The following DPYSL3 variants were observed in gnomAD, a reference collection of about 807,000 sequenced individuals.
DPYSL3 encodes the protein dihydropyrimidinase-related protein 3.
DPYSL3 carries 16 observed loss-of-function variants against 66.1 expected under a neutral mutation model. That is an observed-to-expected ratio of 0.24 (90% confidence interval 0.16 to 0.37). The LOEUF is 0.37. Among genes scored for constraint, DPYSL3 ranks in the 10% least tolerant of loss-of-function variants. The pLI, the probability that DPYSL3 is intolerant of heterozygous loss-of-function variation, is 1.00. For missense variants in DPYSL3, 738 were observed against 916.2 expected, an observed-to-expected ratio of 0.81 and a Z score of 2.51; for synonymous variants, 338 against 345.1, an observed-to-expected ratio of 0.98 and a Z score of 0.23.
rs185191627 is a variant in DPYSL3, at chr5:147,391,836, T to G, written c.*2199A>C. ...GGTTGTTCCCAGAGCAAGGAAATCT[T>G]GTGCAGAATCAAAGGTTCTGGTGGA... On this transcript the variant is annotated 3_prime_UTR_variant, in exon 14 of 14. Transcript: ENST00000343218. The G allele has an allele frequency of 6.6e-6, 1 of 152,152 alleles. No homozygotes were observed. Among genetic ancestry groups the G allele is most frequent in the African/African-American group, 2.4e-5 (1 of 41,418 alleles). The allele number at this position is 152,152 out of a possible 1,614,324, so 9.4% of individuals were successfully genotyped here.
At chr5:147,500,989 A>G (rs1581220672) in intron 1 of DPYSL3, among the ~76,000 whole-genome samples, 1 of 152,188 alleles carries the variant, frequency 6.6e-6, no homozygotes, top group Non-Finnish European at 1.5e-5. Context: ...TGAACTGAAG[A>G]CTTATGTTCA....
intron 1 of DPYSL3, among the ~76,000 whole-genome samples, chr5:147,470,350 CT>C (rs1450815742): frequency 6.6e-6 from 1 of 152,064 alleles, no homozygotes; most frequent in Admixed American, 6.6e-5. Context: ...TTCTCTTTAC[CT>C]TTTCCGGTGC....
intron 1 of DPYSL3, among the ~76,000 whole-genome samples, chr5:147,470,712 C>T (rs779362094): frequency 6.6e-6 from 1 of 152,188 alleles, no homozygotes; most frequent in South Asian, 2.1e-4. Context: ...TCCTTTCTCA[C>T]ATCCTGCTGT....
chr5:147,425,199 T>C (rs372506886), intron 1 of DPYSL3, among the ~76,000 whole-genome samples: 15 of 152,374 alleles, frequency 9.8e-5, no homozygotes, highest in African/African-American at 3.6e-4. Context: ...TTCTGCAATG[T>C]ATTAATATTA....
At chr5:147,418,038 C>T (rs564055068) in intron 3 of DPYSL3, among the ~76,000 whole-genome samples, 1 of 152,356 alleles carries the variant, frequency 6.6e-6, no homozygotes, top group Admixed American at 6.5e-5. Context: ...CTCCGTGATA[C>T]TCCTTAGCTC....
chr5:147,488,103 T>C (rs1753362760), intron 1 of DPYSL3, among the ~76,000 whole-genome samples: 1 of 152,228 alleles, frequency 6.6e-6, no homozygotes, highest in Non-Finnish European at 1.5e-5. Context: ...TCTATCTAAG[T>C]GGCAGGATGT....
At chr5:147,427,221 C>CT (rs2126336244) in intron 1 of DPYSL3, among the ~76,000 whole-genome samples, 1 of 152,346 alleles carries the variant, frequency 6.6e-6, no homozygotes, top group South Asian at 2.1e-4. Context: ...ATTTCACCTG[C>CT]TCCCACTGCA....
At position 147,400,692 on chromosome 5, in the gene DPYSL3, C is replaced by A. The variant is rs1200136595; in HGVS notation, c.1452G>T (p.Val484=). Residue 484 remains valine, a splice_region_variant and synonymous_variant, in exon 10 of 14, where the codon GTG becomes GTT. Coordinates refer to ENST00000343218, the MANE Select transcript of DPYSL3 (RefSeq NM_001197294.2). ...CCCTCCCATGACCTCCATGCCTTAC[C>A]ACAGCCTTGTCCCAGATGACAGACA... ...ERMSVIWDKA[V]ATGKMDENQF... is the part of the protein sequence containing the mutation. The A allele has an allele frequency of 6.2e-7, 1 of 1,613,800 alleles. No individual in the cohort carries two copies. The highest frequency in any genetic ancestry group is 8.5e-7 in the Non-Finnish European group (1 of 1,179,872).
chr5:147,474,651 T>C (rs17106775), intron 1 of DPYSL3, among the ~76,000 whole-genome samples: 3,193 of 152,178 alleles, frequency 0.021, 118 homozygotes, highest in African/African-American at 0.071. Flanking sequence ...GGGTAATGCA[T>C]AGAAAGCACT....
At chr5:147,397,321 C>T (rs1341214184) in intron 12 of DPYSL3, among the ~76,000 whole-genome samples, 2 of 151,640 alleles carry the variant, frequency 1.3e-5, no homozygotes, top group Non-Finnish European at 2.9e-5. Context: ...AGGGATGTGT[C>T]GGTGTGGATT....
chr5:147,420,976 G>A (rs56174725), intron 2 of DPYSL3, among the ~76,000 whole-genome samples: 216 of 152,084 alleles, frequency 1.4e-3, no homozygotes, highest in Admixed American at 3.8e-3. Flanking sequence ...TGGCCGTAGC[G>A]CCACTCCTAT....
At chr5:147,407,572 A>G (rs908264943) in intron 7 of DPYSL3, among the ~76,000 whole-genome samples, 2 of 152,328 alleles carry the variant, frequency 1.3e-5, no homozygotes, top group Non-Finnish European at 2.9e-5. Context: ...AAGTGTGATC[A>G]GCCAGGGGCT....
intron 1 of DPYSL3, among the ~76,000 whole-genome samples, chr5:147,449,369 G>A (rs879747082): frequency 3.3e-5 from 5 of 152,192 alleles, no homozygotes; most frequent in African/African-American, 4.8e-5. Flanking sequence ...CCTAACTGGG[G>A]ATACGTCTTC....
rs758346627 is a variant in DPYSL3 at position 147,418,561 on chromosome 5, G to A, written c.541C>T (p.Pro181Ser). 1 of 1,612,652 alleles carries A rather than the reference G, an allele frequency of 6.2e-7. No homozygotes were observed. The highest frequency in any genetic ancestry group is 1.3e-5 in the African/African-American group (1 of 74,812). The change falls in exon 3 of 14, where the codon CCT (proline) becomes TCT (serine). Residue 181 changes from proline (P) to serine (S), a missense_variant. Pro to Ser is a moderately conservative substitution (Grantham distance 74, BLOSUM62 -1). Coordinates refer to ENST00000343218, the MANE Select transcript of DPYSL3 (RefSeq NM_001197294.2). Reference protein sequence around the residue: ...TIEANGKMVIPGGIDVHTHFQ... With the variant: ...TIEANGKMVISGGIDVHTHFQ... ...TGAGTATGGACATCGATGCCTCCAG[G>A]GATCACCATCTTCCCATTGGCTTCA...
At chr5:147,401,770 G>C in intron 8 of DPYSL3, 74 bp from the exon 9 acceptor site, 1 of 1,565,268 alleles carries the variant, frequency 6.4e-7, no homozygotes, top group Admixed American at 1.9e-5. Context: ...ATTTAATTTA[G>C]CTCCTAAGCC....
chr5:147,401,988 T>G, intron 8 of DPYSL3: 2 of 282,452 alleles, frequency 7.1e-6, no homozygotes, highest in South Asian at 1.1e-4. Context: ...ATATACATAT[T>G]GATTTCAAGA....
intron 1 of DPYSL3, among the ~76,000 whole-genome samples, chr5:147,495,685 T>C (rs1459019412): frequency 1.3e-5 from 2 of 152,154 alleles, no homozygotes; most frequent in Non-Finnish European, 2.9e-5. Flanking sequence ...GGAATCCAAC[T>C]TACAAGGGAT....
At chr5:147,474,953 AG>A (rs1753136058) in intron 1 of DPYSL3, among the ~76,000 whole-genome samples, 1 of 152,046 alleles carries the variant, frequency 6.6e-6, no homozygotes. Flanking sequence ...GTTTTCTTAA[AG>A]GAGAGTATGT....
At chr5:147,418,692 C>T (rs982658054) in intron 2 of DPYSL3, 61 bp from the exon 3 acceptor site, 36 of 1,448,440 alleles carry the variant, frequency 2.5e-5, no homozygotes, top group African/African-American at 9.8e-5. Flanking sequence ...GTGCAATTTC[C>T]AAGACAAATA....
Sources: allele counts gnomAD v4.1 joint callset (sites outside exome capture counted in the v4.1 genomes callset), GRCh38; gene constraint gnomAD v4.1.1; transcripts MANE v1.5; gene names NCBI Gene and HGNC (gene_info 2026-07-23, HGNC 2026-07-21).